The following CEP76 variants were observed in gnomAD, a reference collection of about 807,000 sequenced individuals.
The protein encoded by CEP76 is centrosomal protein of 76 kDa.
A neutral mutation model predicts 83.3 loss-of-function variants in CEP76; 55 were observed. The ratio of observed to expected loss-of-function variants is 0.66; its 90% CI spans 0.53 to 0.83. The LOEUF is 0.83. CEP76 is among the 40% of genes least tolerant of loss of function. CEP76 has a pLI of 0.00. For missense variants in CEP76, 694 were observed against 799.5 expected (o/e 0.87, Z 1.59); for synonymous variants, 270 against 274.5 (o/e 0.98, Z 0.16).
chr18:12,669,613 C>A (rs12965990), downstream of CEP76, among the ~76,000 whole-genome samples: 60,058 of 152,002 alleles, frequency 0.4, 12,249 homozygotes, highest in Non-Finnish European at 0.45. Flanking sequence ...GTCAAGAACA[C>A]CACCTTGGAG....
In CEP76 at chr18:12,702,560, G is replaced by T. The variant is rs1331350397; in HGVS notation, c.-12C>A. On this transcript the variant is annotated 5_prime_UTR_variant, in exon 1 of 12. Coordinates refer to ENST00000262127, the MANE Select transcript of CEP76 (RefSeq NM_024899.4). ...GGAGGCAGCGACATGCTGGCAGCCG[G>T]CGTCTCCCCGCCGCTTCTCCCCGCC... is the stretch of plus-strand genomic sequence containing the variant. The T allele has an allele frequency of 1.9e-6, 3 of 1,559,784 alleles. No homozygotes were observed. Among genetic ancestry groups the T allele is most frequent in the Admixed American group, 3.8e-5 (2 of 53,274 alleles).
chr18:12,663,053 A>G (rs1598601447), intron 12 of CEP76, among the ~76,000 whole-genome samples: 1 of 152,224 alleles, frequency 6.6e-6, no homozygotes, highest in East Asian at 1.9e-4. Context: ...TTTTAGGCCA[A>G]GCCACTATTT....
chr18:12,694,619 T>C (rs544471850), intron 6 of CEP76, among the ~76,000 whole-genome samples: 5 of 152,162 alleles, frequency 3.3e-5, no homozygotes, highest in African/African-American at 9.6e-5. Flanking sequence ...CAGCAAGCTT[T>C]CAATAAACGC....
intron 8 of CEP76, among the ~76,000 whole-genome samples, chr18:12,683,854 T>C (rs985859245): frequency 1.3e-5 from 2 of 151,774 alleles, no homozygotes; most frequent in Non-Finnish European, 2.9e-5. Context: ...TTATTTACAA[T>C]TATAATTATG....
intron 7 of CEP76, 90 bp downstream of exon 7, chr18:12,691,269 C>T: frequency 1.2e-6 from 1 of 821,076 alleles, no homozygotes; most frequent in African/African-American, 1.8e-5. Flanking sequence ...TTTTGGAATA[C>T]ATTTTACAAA....
chr18:12,674,292 AAT>A, intron 11 of CEP76, among the ~76,000 whole-genome samples: 1 of 152,048 alleles, frequency 6.6e-6, no homozygotes, highest in East Asian at 1.9e-4. Context: ...AGATAAAAAA[AAT>A]AGCCAGGTAT....
At chr18:12,689,531 T>C (rs963582642) in intron 7 of CEP76, among the ~76,000 whole-genome samples, 8 of 152,176 alleles carry the variant, frequency 5.3e-5, no homozygotes, top group African/African-American at 1.9e-4. Context: ...CTAAATTACG[T>C]TCTATGGTTC....
chr18:12,695,791 A>G (rs953468729), intron 5 of CEP76, among the ~76,000 whole-genome samples: 3 of 152,010 alleles, frequency 2.0e-5, no homozygotes, highest in African/African-American at 7.2e-5. Context: ...TAAATGTATA[A>G]TATCAACCAG....
chr18:12,678,736 A>G (rs920314418), intron 9 of CEP76, among the ~76,000 whole-genome samples: 1 of 152,070 alleles, frequency 6.6e-6, no homozygotes, highest in East Asian at 1.9e-4. Context: ...CAGGGGGATC[A>G]CCTGAGGTCA....
At chr18:12,693,479 A>G (rs2039839746) in intron 6 of CEP76, among the ~76,000 whole-genome samples, 1 of 152,110 alleles carries the variant, frequency 6.6e-6, no homozygotes, top group Non-Finnish European at 1.5e-5. Flanking sequence ...TAGAGCCCAA[A>G]CATTTACTTT....
Position 12,699,133 on chromosome 18 carries a change from C to A in CEP76, c.366G>T (p.Leu122=), listed in dbSNP as rs1173424545. The A allele has an allele frequency of 3.1e-6, 5 of 1,613,874 alleles. No individual in the cohort carries two copies. Among genetic ancestry groups the A allele is most frequent in the Non-Finnish European group, 3.4e-6 (4 of 1,179,938 alleles). ...VLGGKAFLEH[L]QEPEPLPGQV... Reference sequence around the variant, plus strand: ...GTCCAGGTAAAGGCTCAGGTTCTTGCAGATGTTCCAAGAAAGCTTTTCCAC... The same window carrying A: ...GTCCAGGTAAAGGCTCAGGTTCTTGAAGATGTTCCAAGAAAGCTTTTCCAC... The change falls in exon 4 of 12, where the codon CTG becomes CTT. Residue 122 remains leucine (L), a synonymous_variant. Coordinates refer to ENST00000262127, the MANE Select transcript of CEP76 (RefSeq NM_024899.4).
intron 4 of CEP76, among the ~76,000 whole-genome samples, chr18:12,697,819 G>GC (rs71371296): frequency 0.092 from 13,961 of 152,102 alleles, 879 homozygotes; most frequent in Non-Finnish European, 0.13. Flanking sequence ...GAAAAATACA[G>GC]CACATCGAAT....
intron 8 of CEP76, among the ~76,000 whole-genome samples, chr18:12,682,873 C>T (rs2039400486): frequency 6.6e-6 from 1 of 151,930 alleles, no homozygotes; most frequent in Non-Finnish European, 1.5e-5. Flanking sequence ...CCACCCACCT[C>T]GGCCTCCCAA....
At chr18:12,700,887 AC>A in intron 2 of CEP76, 70 bp downstream of exon 2, 1 of 1,275,260 alleles carries the variant, frequency 7.8e-7, no homozygotes. Context: ...CCACATCGGA[AC>A]CTTATAAGTA....
At position 12,697,260 on chromosome 18, in the gene CEP76, A is replaced by G; in HGVS notation, c.669T>C (p.Asn223=). ...LEWRSVLGSE[N]GVTSLTVELM... is the part of the protein sequence containing the mutation. The stretch of plus-strand genomic sequence containing the variant: ...GTTCCACAGTCAGACTGGTCACTCC[A>G]TTTTCTGAGCCCAAAACCGATCGCC... The change falls in exon 5 of 12, where the codon AAT becomes AAC. Residue 223 remains asparagine, a synonymous_variant. Transcript: ENST00000262127. The G allele has an allele frequency of 6.2e-7, 1 of 1,613,892 alleles. No individual in the cohort carries two copies. The highest frequency in any genetic ancestry group is 1.1e-5 in the South Asian group (1 of 91,056).
chr18:12,681,508 C>A (rs766813866), intron 8 of CEP76, among the ~76,000 whole-genome samples: 4 of 151,962 alleles, frequency 2.6e-5, no homozygotes, highest in Non-Finnish European at 5.9e-5. Context: ...CCTCAGCCTC[C>A]CAAAGTGTTG....
downstream of CEP76, among the ~76,000 whole-genome samples, chr18:12,670,155 C>T (rs2038907159): frequency 6.6e-6 from 1 of 151,842 alleles, no homozygotes; most frequent in Admixed American, 6.6e-5. Context: ...CAAGGTGAAA[C>T]CCCTCTCTAA....
chr18:12,691,725 T>TC (rs35079985), intron 6 of CEP76, among the ~76,000 whole-genome samples: 1 of 151,108 alleles, frequency 6.6e-6, no homozygotes, highest in East Asian at 1.9e-4. Flanking sequence ...TTTTTTTTTT[T>TC]GGTTGTGGAG....
Position 12,673,105 on chromosome 18 carries a change from A to G in CEP76, c.*260T>C. On this transcript the variant is annotated 3_prime_UTR_variant, in exon 12 of 12. Transcript: ENST00000262127. ...ATATTTAAACTACTGATAACTGTAA[A>G]CAAAGTAGCATTTATTAAAATAGAA... 1 of 1,039,958 alleles carries G rather than the reference A, an allele frequency of 9.6e-7. No individual in the cohort carries two copies. The highest frequency in any genetic ancestry group is 1.2e-6 in the Non-Finnish European group (1 of 845,998). 64.4% of individuals were successfully genotyped at this position (1,039,958 alleles called of 1,614,324 possible). A position where few individuals can be genotyped will look rare whatever the true frequency, so the allele number is the denominator to read the frequency against.
Sources: gnomAD v4.1 joint callset for allele counts (sites outside exome capture counted in the v4.1 genomes callset) on GRCh38, gnomAD v4.1.1 for gene constraint, MANE v1.5 for transcripts, NCBI Gene and HGNC (gene_info 2026-07-23, HGNC 2026-07-21) for gene names.